The following FMNL2 variants were observed in gnomAD, a reference collection of about 807,000 sequenced individuals.
The protein encoded by FMNL2 is formin like 2.
FMNL2 carries 51 observed loss-of-function variants against 130.2 expected under a neutral mutation model. The observed-to-expected ratio is 0.39, with a 90% CI of 0.31 to 0.49. FMNL2 has a LOEUF of 0.49. Ranked by LOEUF, FMNL2 falls within the 20% of genes least tolerant of loss-of-function variation. FMNL2 has a pLI of 0.85. For missense variants in FMNL2, 977 were observed against 1,316.2 expected, an observed-to-expected ratio of 0.74 and a Z score of 3.99; for synonymous variants, 465 against 467.1, an observed-to-expected ratio of 1.00 and a Z score of 0.06.
chr2:152,578,121 T>C (rs1029010739), intron 7 of FMNL2, among the ~76,000 whole-genome samples: 1 of 152,180 alleles, frequency 6.6e-6, no homozygotes, highest in East Asian at 1.9e-4. Context: ...AGAGTTCCTC[T>C]TTAATAGGAG....
chr2:152,473,913 C>T (rs570751397), intron 1 of FMNL2, among the ~76,000 whole-genome samples: 3 of 152,258 alleles, frequency 2.0e-5, no homozygotes, highest in South Asian at 2.1e-4. Context: ...CTCGCTCTGT[C>T]GCCCAGGCTG....
chr2:152,500,802 A>G (rs1261450990), intron 1 of FMNL2, among the ~76,000 whole-genome samples: 2 of 151,642 alleles, frequency 1.3e-5, no homozygotes, highest in South Asian at 2.1e-4. Flanking sequence ...GTGAGCCGAG[A>G]TCACACCACT....
At chr2:152,451,669 T>G (rs892611854) in intron 1 of FMNL2, among the ~76,000 whole-genome samples, 2 of 152,100 alleles carry the variant, frequency 1.3e-5, no homozygotes, top group East Asian at 3.9e-4. Flanking sequence ...GATTCAGAGG[T>G]TGGAGGTCAG....
intron 4 of FMNL2, among the ~76,000 whole-genome samples, chr2:152,558,409 A>G (rs916112111): frequency 6.6e-6 from 1 of 152,190 alleles, no homozygotes; most frequent in Non-Finnish European, 1.5e-5. Flanking sequence ...CAGGCTGTAG[A>G]TCAATTGTGG....
chr2:152,645,512 AGGATACACAGAGCT>A, intron 25 of FMNL2: 2 of 1,289,962 alleles, frequency 1.6e-6, no homozygotes, highest in South Asian at 2.5e-5. Flanking sequence ...CCGGTGGTGG[AGGATACACAGAGCT>A]GGCAAGCATC....
chr2:152,484,540 G>A (rs1200879327), intron 1 of FMNL2, among the ~76,000 whole-genome samples: 1 of 151,822 alleles, frequency 6.6e-6, no homozygotes, highest in Non-Finnish European at 1.5e-5. Context: ...AGGAGGCTGA[G>A]GCAGAAGTAT....
At chr2:152,420,092 C>A (rs993130387) in intron 1 of FMNL2, among the ~76,000 whole-genome samples, 1 of 152,098 alleles carries the variant, frequency 6.6e-6, no homozygotes, top group Non-Finnish European at 1.5e-5. Flanking sequence ...TACCAAAAGG[C>A]TAAAGCAGTA....
chr2:152,374,976 G>A (rs1283593042), intron 1 of FMNL2, among the ~76,000 whole-genome samples: 1 of 152,214 alleles, frequency 6.6e-6, no homozygotes, highest in Admixed American at 6.5e-5. Context: ...TTAGACTGAG[G>A]TGGTCACTGC....
intron 1 of FMNL2, among the ~76,000 whole-genome samples, chr2:152,447,404 T>C (rs1456430123): frequency 6.6e-6 from 1 of 152,218 alleles, no homozygotes; most frequent in Non-Finnish European, 1.5e-5. Context: ...TGGTCAGCCA[T>C]CAACTTATTT....
chr2:152,457,386 C>G (rs1689014699), intron 1 of FMNL2, among the ~76,000 whole-genome samples: 1 of 152,134 alleles, frequency 6.6e-6, no homozygotes, highest in African/African-American at 2.4e-5. Context: ...CCTTGTTTTT[C>G]AAGATAAGTG....
At chr2:152,383,416 T>C (rs905310156) in intron 1 of FMNL2, among the ~76,000 whole-genome samples, 4 of 151,974 alleles carry the variant, frequency 2.6e-5, no homozygotes, top group Non-Finnish European at 5.9e-5. Context: ...ATTGTCTTCA[T>C]GTAGCATGTT....
intron 7 of FMNL2, among the ~76,000 whole-genome samples, chr2:152,576,775 G>A (rs1696500472): frequency 6.6e-6 from 1 of 152,176 alleles, no homozygotes; most frequent in East Asian, 1.9e-4. Flanking sequence ...AGGGGAAGAA[G>A]GTTCTAGGCA....
intron 1 of FMNL2, among the ~76,000 whole-genome samples, chr2:152,512,987 A>G (rs919455613): frequency 4.6e-5 from 7 of 152,244 alleles, no homozygotes; most frequent in African/African-American, 1.7e-4. Context: ...CCTCCAACAT[A>G]TGTAAGTGAT....
intron 15 of FMNL2, 156 bp from the exon 16 acceptor site, chr2:152,625,282 T>G: frequency 8.0e-6 from 6 of 751,988 alleles, no homozygotes; most frequent in Admixed American, 5.8e-5. Context: ...GCCAAGGCCA[T>G]GTGTGTTGTT....
chr2:152,357,040 T>C (rs564297909), intron 1 of FMNL2, among the ~76,000 whole-genome samples: 6 of 140,194 alleles, frequency 4.3e-5, no homozygotes, highest in South Asian at 2.4e-4. Context: ...TACATAAGTT[T>C]AATATATCAC....
intron 1 of FMNL2, among the ~76,000 whole-genome samples, chr2:152,491,327 G>A (rs1469201998): frequency 6.6e-6 from 1 of 152,134 alleles, no homozygotes; most frequent in Non-Finnish European, 1.5e-5. Flanking sequence ...GGCAGGGGTC[G>A]GGTAGGGTGA....
intron 1 of FMNL2, among the ~76,000 whole-genome samples, chr2:152,432,628 C>A (rs1687557389): frequency 6.6e-6 from 1 of 152,208 alleles, no homozygotes; most frequent in East Asian, 1.9e-4. Context: ...TGAGGATAGA[C>A]TTCCCTGCCA....
intron 2 of FMNL2, among the ~76,000 whole-genome samples, chr2:152,527,648 T>C (rs1693461267): frequency 6.6e-6 from 1 of 152,146 alleles, no homozygotes; most frequent in Non-Finnish European, 1.5e-5. Flanking sequence ...TGGTCTCCTT[T>C]TTTGAATATC....
chr2:152,592,587 TAGTA>T (rs1261926959), intron 9 of FMNL2, among the ~76,000 whole-genome samples: 2 of 152,210 alleles, frequency 1.3e-5, no homozygotes, highest in Non-Finnish European at 2.9e-5. Context: ...TATGCAGAAA[TAGTA>T]AGGCTACTAT....
Sources: gnomAD v4.1 joint callset for allele counts (sites outside exome capture counted in the v4.1 genomes callset) on GRCh38, gnomAD v4.1.1 for gene constraint, MANE v1.5 for transcripts, NCBI Gene and HGNC (gene_info 2026-07-23, HGNC 2026-07-21) for gene names.